Variants in TMEM156 observed in about 807,000 individuals in gnomAD.
TMEM156 encodes transmembrane protein 156.
Under a neutral mutation model 30.5 loss-of-function variants are expected in TMEM156, and 28 were observed. The observed-to-expected ratio is 0.92, with a 90% CI of 0.68 to 1.26. The LOEUF (loss-of-function observed/expected upper bound fraction) is 1.26. Among genes scored for constraint, TMEM156 ranks in the 50% most tolerant of loss-of-function variants. The pLI is 0.00. For missense variants in TMEM156, 351 were observed against 340.6 expected (o/e 1.03, Z -0.24); for synonymous variants, 137 against 119.9 (o/e 1.14, Z -0.93).
intron 3 of TMEM156, among the ~76,000 whole-genome samples, chr4:38,992,168 G>A (rs140928528): frequency 0.01 from 1,530 of 152,244 alleles, 20 homozygotes; most frequent in Middle Eastern, 0.044. Flanking sequence ...AAAGGCTTCC[G>A]TATGTCTGGA....
intron 1 of TMEM156, among the ~76,000 whole-genome samples, chr4:39,006,413 A>G (rs1713741569): frequency 6.6e-6 from 1 of 152,104 alleles, no homozygotes; most frequent in African/African-American, 2.4e-5. Context: ...TACATTTTTT[A>G]TCAGGATATC....
At chr4:38,980,894 C>T in intron 5 of TMEM156, 1 of 981,232 alleles carries the variant, frequency 1.0e-6, no homozygotes, top group Non-Finnish European at 1.2e-6. Context: ...TCAATTCTTC[C>T]AGGCCTGACA....
intron 1 of TMEM156, among the ~76,000 whole-genome samples, chr4:39,001,911 A>C (rs1713391450): frequency 7.0e-6 from 1 of 143,674 alleles, no homozygotes; most frequent in African/African-American, 2.5e-5. Flanking sequence ...TAAACGTTAG[A>C]CCTAAAACCA....
intron 6 of TMEM156, among the ~76,000 whole-genome samples, chr4:38,970,462 C>G (rs1025532257): frequency 1.3e-5 from 2 of 152,010 alleles, no homozygotes; most frequent in African/African-American, 2.4e-5. Context: ...CTTATAAATG[C>G]TAGTTTCCCT....
At chr4:39,017,171 C>CTTTTTTTTTTT (rs1159565890) in intron 1 of TMEM156, among the ~76,000 whole-genome samples, 3 of 91,298 alleles carry the variant, frequency 3.3e-5, no homozygotes, top group Admixed American at 1.6e-4. Context: ...TGTATTTCTT[C>CTTTTTTTTTTT]TTTTTTTTTT....
At position 38,974,710 on chromosome 4, in the gene TMEM156, C is replaced by T. The variant is rs149742416; in HGVS notation, c.824-3573G>A. ...TTTTGAGATGGAGTTTCATTCTTGT[C>T]GCCCAGGCTAGAGTGCAATGGCATG... On this transcript the variant is annotated intron_variant, in intron 5 of 6. Coordinates refer to ENST00000381938, the MANE Select transcript of TMEM156 (RefSeq NM_024943.3). Among the ~76,000 whole-genome samples the T allele has an allele frequency of 4.5e-3, 658 of 144,718 alleles. 5 individuals are homozygous for T. The highest frequency in any genetic ancestry group is 0.04 in the Middle Eastern group (11 of 272). The allele number at this position is 144,718 out of a possible 152,430, so 94.9% of individuals were successfully genotyped here.
chr4:38,986,507 A>G lies in TMEM156; in HGVS notation c.740-88T>C, dbSNP rs574652494. On this transcript the variant is annotated intron_variant, in intron 4 of 6. Coordinates refer to ENST00000381938, the MANE Select transcript of TMEM156 (RefSeq NM_024943.3). ...CCCATGTTGGTTCAAAGGATTACCA[A>G]AAAGAATGGAGCCATTCATGGCCAG... The G allele has an allele frequency of 1.1e-4, 115 of 1,006,334 alleles. No homozygotes were observed. In the African/African-American group the frequency reaches 1.6e-3, roughly 14 times the overall value. 62.3% of individuals were successfully genotyped at this position (1,006,334 alleles called of 1,614,324 possible).
intron 5 of TMEM156, among the ~76,000 whole-genome samples, chr4:38,977,875 T>C (rs1265962080): frequency 6.6e-6 from 1 of 152,226 alleles, no homozygotes; most frequent in Non-Finnish European, 1.5e-5. Flanking sequence ...AAAGCCCCTA[T>C]CACACTATCC....
At chr4:38,998,024 T>G (rs950542197) in intron 2 of TMEM156, among the ~76,000 whole-genome samples, 1 of 152,228 alleles carries the variant, frequency 6.6e-6, no homozygotes, top group Non-Finnish European at 1.5e-5. Context: ...AACTACAGAT[T>G]CACTTAAAAT....
intron 2 of TMEM156, 31 bp downstream of exon 2, chr4:38,998,609 C>T: frequency 6.4e-7 from 1 of 1,566,436 alleles, no homozygotes; most frequent in Non-Finnish European, 8.6e-7. Flanking sequence ...TACCTGATAC[C>T]ATTTTATTCT....
At chr4:38,996,096 C>A (rs1712906763) in intron 2 of TMEM156, among the ~76,000 whole-genome samples, 1 of 152,028 alleles carries the variant, frequency 6.6e-6, no homozygotes, top group Admixed American at 6.6e-5. Context: ...ATATATATAT[C>A]AAATATTTTT....
At chr4:38,992,145 G>A (rs1390378289) in intron 3 of TMEM156, among the ~76,000 whole-genome samples, 1 of 152,122 alleles carries the variant, frequency 6.6e-6, no homozygotes, top group Non-Finnish European at 1.5e-5. Flanking sequence ...TAAAGCTTTA[G>A]AAAAGCAATC....
intron 2 of TMEM156, among the ~76,000 whole-genome samples, chr4:38,994,944 AAAAAG>A (rs1712825399): frequency 3.9e-5 from 6 of 152,196 alleles, no homozygotes; most frequent in African/African-American, 1.4e-4. Flanking sequence ...TCTCAAAAAA[AAAAAG>A]AAAAGAACAG....
intron 3 of TMEM156, among the ~76,000 whole-genome samples, chr4:38,992,256 C>T (rs1387911426): frequency 2.4e-5 from 3 of 127,570 alleles, no homozygotes; most frequent in Non-Finnish European, 5.2e-5. Context: ...GGTGAGGGGT[C>T]GCCCTCTTTC....
At chr4:39,002,412 AG>A in intron 1 of TMEM156, among the ~76,000 whole-genome samples, 1 of 141,062 alleles carries the variant, frequency 7.1e-6, no homozygotes, top group South Asian at 2.5e-4. Context: ...GTGGAGAAAT[AG>A]GAACACTTTT....
At chr4:38,986,605 G>A (rs768493187) in intron 4 of TMEM156, among the ~76,000 whole-genome samples, 186 bp from the exon 5 acceptor site, 6 of 151,532 alleles carry the variant, frequency 4.0e-5, no homozygotes, top group Non-Finnish European at 5.9e-5. Context: ...TCAGGAGTTC[G>A]AACCCAGCCT....
chr4:39,017,374 T>C (rs1377655393), intron 1 of TMEM156, among the ~76,000 whole-genome samples: 1 of 151,428 alleles, frequency 6.6e-6, no homozygotes, highest in Non-Finnish European at 1.5e-5. Context: ...AGAGACGGGG[T>C]TTCATCGTGT....
intron 3 of TMEM156, among the ~76,000 whole-genome samples, chr4:38,993,524 G>A (rs1275739489): frequency 1.3e-5 from 2 of 152,016 alleles, no homozygotes; most frequent in African/African-American, 4.8e-5. Flanking sequence ...ACCCATAAAT[G>A]CCTCCTCTTT....
rs1198784824 is a variant in TMEM156 at position 39,000,372 on chromosome 4, A to G, written c.89-1463T>C. On this transcript the variant is annotated intron_variant, in intron 1 of 6. Transcript: ENST00000381938. ...ACACCACTGCACTTCAGCTTGGGCAACAAAGGGAGACCATGTCTCAAAAGG... is the reference window on the plus strand; with the variant it reads ...ACACCACTGCACTTCAGCTTGGGCAGCAAAGGGAGACCATGTCTCAAAAGG... Among the ~76,000 whole-genome samples, 5 of 152,182 alleles carry G rather than the reference A, an allele frequency of 3.3e-5. No individual in the cohort carries two copies. The East Asian group carries it at 5.8e-4, about 18-fold the overall frequency.
Sources: allele counts gnomAD v4.1 joint callset (sites outside exome capture counted in the v4.1 genomes callset), GRCh38; gene constraint gnomAD v4.1.1; transcripts MANE v1.5; gene names NCBI Gene and HGNC (gene_info 2026-07-23, HGNC 2026-07-21).